GSG1L: variants seen among roughly 807,000 people sequenced by gnomAD.
The protein encoded by GSG1L is germ cell-specific gene 1-like protein.
GSG1L carries 24 observed loss-of-function variants against 42.1 expected under a neutral mutation model. The ratio of observed to expected loss-of-function variants is 0.57; its 90% CI spans 0.41 to 0.80. The LOEUF is 0.80. Ranked by LOEUF, GSG1L falls within the 30% of genes least tolerant of loss-of-function variation. The probability of loss-of-function intolerance (pLI) is 0.00; values close to 1 mark genes in which losing one functional copy is unlikely to be tolerated. For synonymous variants in GSG1L, 215 were observed against 203.5 expected, an observed-to-expected ratio of 1.06 and a Z score of -0.48; for missense variants, 445 against 472.2, an observed-to-expected ratio of 0.94 and a Z score of 0.53.
intron 2 of GSG1L, among the ~76,000 whole-genome samples, chr16:27,892,325 C>T (rs1464498312): frequency 4.0e-5 from 6 of 151,774 alleles, no homozygotes; most frequent in Admixed American, 6.6e-5. Context: ...CATGGTGGCG[C>T]GTGCCTGTAG....
rs1439074309 is a variant in GSG1L at position 28,013,205 on chromosome 16, G to A, written c.349+49871C>T. Among the ~76,000 whole-genome samples, 12 of 132,774 alleles carry A rather than the reference G, an allele frequency of 9.0e-5. No homozygotes were observed. In the Admixed American group the frequency reaches 9.6e-4, roughly 11 times the overall value. The allele number at this position is 132,774 out of a possible 152,430, so 87.1% of individuals were successfully genotyped here. Reference sequence around the variant, plus strand: ...TTGCACTCCAGCCTGGGCCACAAGAGCAAAACTCTGACTCAAAAAAAAAAA... The same window carrying A: ...TTGCACTCCAGCCTGGGCCACAAGAACAAAACTCTGACTCAAAAAAAAAAA... On this transcript the variant is annotated intron_variant, in intron 1 of 6. Coordinates refer to ENST00000447459, the MANE Select transcript of GSG1L (RefSeq NM_001109763.2).
At chr16:27,929,436 G>A (rs1268546120) in intron 2 of GSG1L, among the ~76,000 whole-genome samples, 9 of 152,206 alleles carry the variant, frequency 5.9e-5, no homozygotes, top group Admixed American at 4.6e-4. Context: ...GGAATCAGCC[G>A]TAGGGCCTCT....
At chr16:27,916,564 C>T (rs183901586) in intron 2 of GSG1L, among the ~76,000 whole-genome samples, 42 of 149,530 alleles carry the variant, frequency 2.8e-4, no homozygotes, top group African/African-American at 9.7e-4. Context: ...CTCAAATAAT[C>T]CTCCCATCTC....
intron 2 of GSG1L, among the ~76,000 whole-genome samples, chr16:27,895,734 G>C (rs1217807002): frequency 4.6e-5 from 7 of 151,882 alleles, no homozygotes; most frequent in African/African-American, 1.7e-4. Flanking sequence ...AGTTGCCCAA[G>C]GTCACGACGC....
chr16:28,026,944 T>C lies in GSG1L; in HGVS notation c.349+36132A>G, dbSNP rs559898103. Among the ~76,000 whole-genome samples the C allele has an allele frequency of 6.6e-5, 10 of 152,208 alleles. No individual in the cohort carries two copies. In the South Asian group the frequency reaches 2.1e-3, roughly 32 times the overall value. ...TAAAAATACAAAAATTAGCCGGGCA[T>C]GGTGGTGCACACATGTAATTCCAGC... On this transcript the variant is annotated intron_variant, in intron 1 of 6. Transcript: ENST00000447459.
At chr16:27,822,780 G>T (rs1477644275) in intron 5 of GSG1L, among the ~76,000 whole-genome samples, 1 of 152,198 alleles carries the variant, frequency 6.6e-6, no homozygotes, top group Non-Finnish European at 1.5e-5. Context: ...TGCAGGGACA[G>T]AGTGGTAACC....
At chr16:27,898,356 ACCCC>A (rs1268182461) in intron 2 of GSG1L, among the ~76,000 whole-genome samples, 1 of 19,208 alleles carries the variant, frequency 5.2e-5, no homozygotes, top group Non-Finnish European at 1.2e-4. Flanking sequence ...CCGCCCACCC[ACCCC>A]CTGCGAGGTC....
intron 1 of GSG1L, among the ~76,000 whole-genome samples, chr16:27,994,621 C>T (rs1262041553): frequency 6.6e-6 from 1 of 152,142 alleles, no homozygotes; most frequent in Non-Finnish European, 1.5e-5. Flanking sequence ...TACTGGCTTT[C>T]CGCTCCCAAT....
At chr16:27,816,662 G>C (rs190783890) in intron 5 of GSG1L, among the ~76,000 whole-genome samples, 22 of 152,322 alleles carry the variant, frequency 1.4e-4, no homozygotes, top group Non-Finnish European at 1.9e-4. Flanking sequence ...GAACTGAAGG[G>C]ACCTCTATGA....
At chr16:27,842,180 G>T (rs4997941) in intron 4 of GSG1L, among the ~76,000 whole-genome samples, 2 of 144,712 alleles carry the variant, frequency 1.4e-5, no homozygotes, top group Non-Finnish European at 2.9e-5. Context: ...GATGTCGCGC[G>T]TGCCGAATTT....
intron 1 of GSG1L, among the ~76,000 whole-genome samples, chr16:28,039,277 C>A (rs192136025): frequency 3.6e-4 from 55 of 152,206 alleles, no homozygotes; most frequent in Non-Finnish European, 2.1e-4. Flanking sequence ...CACCCTATGA[C>A]GTGGGAAATG....
intron 5 of GSG1L, among the ~76,000 whole-genome samples, chr16:27,814,410 C>T (rs150482818): frequency 7.7e-4 from 118 of 152,300 alleles, no homozygotes; most frequent in African/African-American, 2.6e-3. Context: ...CTGTACCCGG[C>T]CCCCTTAATA....
At chr16:27,808,519 A>G (rs1304873871) in intron 5 of GSG1L, among the ~76,000 whole-genome samples, 1 of 151,810 alleles carries the variant, frequency 6.6e-6, no homozygotes, top group African/African-American at 2.4e-5. Flanking sequence ...CCCAGGCTCA[A>G]GCGATTCTCC....
intron 3 of GSG1L, among the ~76,000 whole-genome samples, chr16:27,865,367 G>C (rs2083701180): frequency 6.6e-6 from 1 of 151,746 alleles, no homozygotes; most frequent in South Asian, 2.1e-4. Flanking sequence ...CCCTGCCCCA[G>C]CATCACCTGA....
At chr16:27,795,682 G>A (rs1175655962) in intron 6 of GSG1L, among the ~76,000 whole-genome samples, 2 of 152,198 alleles carry the variant, frequency 1.3e-5, no homozygotes, top group African/African-American at 4.8e-5. Context: ...CTCAGAGCGT[G>A]GTAGCAGGTA....
chr16:27,857,473 G>A (rs2083593860), intron 3 of GSG1L, among the ~76,000 whole-genome samples: 2 of 151,556 alleles, frequency 1.3e-5, no homozygotes, highest in African/African-American at 4.8e-5. Flanking sequence ...CAGGTGCGAT[G>A]GTTCACTCCT....
At chr16:27,907,037 A>G (rs1250453983) in intron 2 of GSG1L, among the ~76,000 whole-genome samples, 1 of 152,228 alleles carries the variant, frequency 6.6e-6, no homozygotes, top group Non-Finnish European at 1.5e-5. Flanking sequence ...TCCCAGCTAC[A>G]GGGCTAGTAT....
intron 2 of GSG1L, among the ~76,000 whole-genome samples, chr16:27,948,285 G>T (rs1419591597): frequency 1.3e-5 from 2 of 152,238 alleles, no homozygotes; most frequent in Non-Finnish European, 2.9e-5. Flanking sequence ...TAGTGTAACA[G>T]CAGTACAACC....
At chr16:28,062,847 G>A (rs983619712) in intron 1 of GSG1L, among the ~76,000 whole-genome samples, 6 of 152,156 alleles carry the variant, frequency 3.9e-5, no homozygotes, top group Non-Finnish European at 8.8e-5. Context: ...TAGGAGCTCT[G>A]CCTTGCACCT....
Sources: allele counts gnomAD v4.1 joint callset (sites outside exome capture counted in the v4.1 genomes callset), GRCh38; gene constraint gnomAD v4.1.1; transcripts MANE v1.5; gene names NCBI Gene and HGNC (gene_info 2026-07-23, HGNC 2026-07-21).